TSPAN12: variants seen among roughly 807,000 people sequenced by gnomAD.
TSPAN12 encodes the protein tetraspanin-12.
Under a neutral mutation model 39.2 loss-of-function variants are expected in TSPAN12, and 19 were observed. The ratio of observed to expected loss-of-function variants is 0.49; its 90% CI spans 0.34 to 0.71. The LOEUF is 0.71. Among genes scored for constraint, TSPAN12 ranks in the 30% least tolerant of loss-of-function variants. The pLI is 0.01. For synonymous variants in TSPAN12, 119 were observed against 124.8 expected (o/e 0.95, Z 0.31); for missense variants, 314 against 359.9 (o/e 0.87, Z 1.03).
At chr7:120,857,233 C>G (rs1036525481) in intron 1 of TSPAN12, 1 of 274,280 alleles carries the variant, frequency 3.6e-6, no homozygotes, top group Non-Finnish European at 7.1e-6. Context: ...TGCCCCCTAC[C>G]CCGGACACGT....
intron 3 of TSPAN12, among the ~76,000 whole-genome samples, chr7:120,839,809 A>G (rs1474607552): frequency 1.3e-5 from 2 of 152,156 alleles, no homozygotes; most frequent in Non-Finnish European, 2.9e-5. Context: ...CCATACCCAG[A>G]AATGTCTGTA....
chr7:120,791,044 A>G (rs1305238616), intron 7 of TSPAN12, among the ~76,000 whole-genome samples: 1 of 152,130 alleles, frequency 6.6e-6, no homozygotes, highest in Non-Finnish European at 1.5e-5. Context: ...TTAGAGGCAA[A>G]CTGGCTGGGT....
At chr7:120,810,624 T>TCACACACACA (rs112555207) in intron 5 of TSPAN12, 54 bp from the exon 6 acceptor site, 29 of 716,416 alleles carry the variant, frequency 4.0e-5, no homozygotes, top group African/African-American at 1.8e-4. Context: ...AGACACAGAT[T>TCACACACACA]CACACACACA....
At chr7:120,801,866 G>A (rs1014643696) in intron 7 of TSPAN12, among the ~76,000 whole-genome samples, 1 of 152,144 alleles carries the variant, frequency 6.6e-6, no homozygotes, top group African/African-American at 2.4e-5. Context: ...AAGAAGAGTT[G>A]AGGAAAGCTA....
At chr7:120,856,932 G>C (rs1794884223) in intron 1 of TSPAN12, 99 bp from the exon 2 acceptor site, 2 of 712,426 alleles carry the variant, frequency 2.8e-6, no homozygotes, top group Admixed American at 2.1e-5. Context: ...GGGTCCAGAG[G>C]GTCCCGAGGC....
Position 120,810,453 on chromosome 7 carries a change from T to C in TSPAN12, c.468+10A>G. ...TTCACTCTCTCTACCTCAGAAATTG[T>C]AGCACTTACCTCTCTCTGAAAAAAA... is the stretch of plus-strand genomic sequence containing the variant. On this transcript the variant is annotated intron_variant, in intron 6 of 7. Coordinates refer to ENST00000222747, the MANE Select transcript of TSPAN12 (RefSeq NM_012338.4). 1.3e-6 allele frequency: 2 copies of C among 1,541,626 alleles called. No homozygotes were observed. Among genetic ancestry groups the C allele is most frequent in the East Asian group, 2.2e-5 (1 of 44,458 alleles).
At chr7:120,819,308 G>C (rs909101415) in intron 4 of TSPAN12, among the ~76,000 whole-genome samples, 2 of 152,064 alleles carry the variant, frequency 1.3e-5, no homozygotes, top group African/African-American at 4.8e-5. Context: ...AATCGTACTT[G>C]AATATTCTCT....
chr7:120,809,556 G>A (rs1027257059), intron 6 of TSPAN12, among the ~76,000 whole-genome samples: 3 of 152,184 alleles, frequency 2.0e-5, no homozygotes, highest in African/African-American at 7.2e-5. Flanking sequence ...TAAGTGAGCA[G>A]AGATCTTGCT....
At chr7:120,854,292 G>A (rs1051292129) in intron 2 of TSPAN12, among the ~76,000 whole-genome samples, 6 of 152,190 alleles carry the variant, frequency 3.9e-5, no homozygotes, top group African/African-American at 1.2e-4. Context: ...AGCAATAGTA[G>A]CAGTATTAAT....
At chr7:120,823,319 T>C (rs1218836957) in intron 4 of TSPAN12, among the ~76,000 whole-genome samples, 2 of 151,936 alleles carry the variant, frequency 1.3e-5, no homozygotes, top group African/African-American at 2.4e-5. Flanking sequence ...ATATATTCGA[T>C]GAAATGCCCA....
intron 7 of TSPAN12, among the ~76,000 whole-genome samples, chr7:120,790,606 A>T (rs1184727431): frequency 2.0e-5 from 3 of 152,230 alleles, no homozygotes; most frequent in Non-Finnish European, 2.9e-5. Flanking sequence ...GAAGCACAGC[A>T]TTATGTCACC....
chr7:120,809,427 G>A (rs1793935603), intron 6 of TSPAN12, among the ~76,000 whole-genome samples: 1 of 152,078 alleles, frequency 6.6e-6, no homozygotes, highest in South Asian at 2.1e-4. Flanking sequence ...AAGTTAGGAA[G>A]CACTTAAATA....
At position 120,787,454 on chromosome 7, in the gene TSPAN12, TTAA is replaced by T. The variant is rs1793431009; in HGVS notation, c.*1135_*1137del. 6.5e-6 allele frequency: 1 copy of T among 152,706 alleles called. No homozygotes were observed. 9.5% of individuals were successfully genotyped at this position (152,706 alleles called of 1,614,324 possible). A position where few individuals can be genotyped will look rare whatever the true frequency, so the allele number is the denominator to read the frequency against. On this transcript the variant is annotated 3_prime_UTR_variant, in exon 8 of 8. Coordinates refer to ENST00000222747, the MANE Select transcript of TSPAN12 (RefSeq NM_012338.4). ...ATATACTATACTCTTGTAAAAAAAT[TTAA>T]TAATCTGTGTAATTTGCCACAGTAT...
In TSPAN12 at chr7:120,838,040, G is replaced by A. The variant is rs561305366; in HGVS notation, c.285+737C>T. 7.2e-5 allele frequency among the ~76,000 whole-genome samples: 11 copies of A among 152,238 alleles called. No individual in the cohort carries two copies. In the South Asian group the frequency reaches 1.0e-3, roughly 14 times the overall value. ...GGCTGAGACCTACTATAAAAAAAGC[G>A]TATACTCAATGAATTAATTTTTCAG... On this transcript the variant is annotated intron_variant, in intron 4 of 7. Transcript: ENST00000222747.
intron 7 of TSPAN12, among the ~76,000 whole-genome samples, chr7:120,803,351 A>T (rs1402667966): frequency 6.6e-6 from 1 of 152,150 alleles, no homozygotes; most frequent in Non-Finnish European, 1.5e-5. Context: ...CTGAATAAAC[A>T]TCCCAAATAC....
intron 4 of TSPAN12, among the ~76,000 whole-genome samples, chr7:120,824,161 T>C (rs930483776): frequency 2.6e-5 from 4 of 151,994 alleles, no homozygotes; most frequent in African/African-American, 7.2e-5. Flanking sequence ...GAATTTCTTC[T>C]GCAATATTGC....
In TSPAN12 at chr7:120,788,760, A is replaced by G; in HGVS notation, c.750T>C (p.Tyr250=). Residue 250 remains tyrosine (Y), a synonymous_variant, in exon 8 of 8, where the codon TAT becomes TAC. Transcript: ENST00000222747. ...LTITLLWALY[Y]DRREPGTDQM... ...GGTCTGTCCCCGGCTCCCTTCTATC[A>G]TAATACAGAGCCCAGAGCAGAGTAA... The G allele has an allele frequency of 6.2e-7, 1 of 1,614,154 alleles. No homozygotes were observed. Among genetic ancestry groups the G allele is most frequent in the Admixed American group, 1.7e-5 (1 of 60,014 alleles).
At chr7:120,830,814 C>A (rs1169575252) in intron 4 of TSPAN12, among the ~76,000 whole-genome samples, 1 of 151,820 alleles carries the variant, frequency 6.6e-6, no homozygotes, top group African/African-American at 2.4e-5. Context: ...ATTAAACTAC[C>A]AAGCTTCTGC....
chr7:120,855,864 TG>T (rs1794860175), intron 2 of TSPAN12, among the ~76,000 whole-genome samples: 3 of 152,314 alleles, frequency 2.0e-5, no homozygotes, highest in African/African-American at 7.2e-5. Context: ...CAGAAAATTT[TG>T]AATAAAATTA....
Sources: gnomAD v4.1 joint callset for allele counts (sites outside exome capture counted in the v4.1 genomes callset) on GRCh38, gnomAD v4.1.1 for gene constraint, MANE v1.5 for transcripts, NCBI Gene and HGNC (gene_info 2026-07-23, HGNC 2026-07-21) for gene names.